The following KPNA4 variants were observed in gnomAD, a reference collection of about 807,000 sequenced individuals.
KPNA4 encodes the protein importin subunit alpha-3.
KPNA4 carries 13 observed loss-of-function variants against 71.3 expected under a neutral mutation model. The observed-to-expected ratio is 0.18, with a 90% CI of 0.12 to 0.29. KPNA4 has a LOEUF of 0.29. Ranked by LOEUF, KPNA4 falls within the 10% of genes least tolerant of loss-of-function variation. The pLI is 1.00. For missense variants in KPNA4, 334 were observed against 603.2 expected, an observed-to-expected ratio of 0.55 and a Z score of 4.67; for synonymous variants, 189 against 195.2, an observed-to-expected ratio of 0.97 and a Z score of 0.26.
At chr3:160,526,874 A>T (rs1024147579) in intron 8 of KPNA4, among the ~76,000 whole-genome samples, 2 of 152,256 alleles carry the variant, frequency 1.3e-5, no homozygotes, top group Non-Finnish European at 1.5e-5. Flanking sequence ...TGAAAGATCA[A>T]GATGCTGTAT....
rs1393815006 is a variant in KPNA4, at chr3:160,500,348, A to T, written c.*1756T>A. 6.6e-6 allele frequency: 1 copy of T among 152,560 alleles called. No individual in the cohort carries two copies. Among genetic ancestry groups the T allele is most frequent in the Non-Finnish European group, 1.5e-5 (1 of 68,004 alleles). The allele number at this position is 152,560 out of a possible 1,614,324, so 9.5% of individuals were successfully genotyped here. A position where few individuals can be genotyped will look rare whatever the true frequency, so the allele number is the denominator to read the frequency against. On this transcript the variant is annotated 3_prime_UTR_variant, in exon 17 of 17. Transcript: ENST00000334256. ...AACAAAGAGTTATGATCACAAAATA[A>T]TTTTTATCCATTCTACAGTGTTTCA...
chr3:160,565,358 C>G lies in KPNA4; in HGVS notation c.-76G>C. ...AACCAACGCGCCGCACCGACACTCC[C>G]AGGAACCGGGCCGCCGCCTGAGCTG... On this transcript the variant is annotated 5_prime_UTR_variant, in exon 1 of 17. Transcript: ENST00000334256. 7.9e-7 allele frequency: 1 copy of G among 1,272,348 alleles called. No homozygotes were observed. The highest frequency in any genetic ancestry group is 1.1e-6 in the Non-Finnish European group (1 of 899,164). 78.8% of individuals were successfully genotyped at this position (1,272,348 alleles called of 1,614,324 possible).
At chr3:160,526,963 A>G (rs1040909564) in intron 8 of KPNA4, among the ~76,000 whole-genome samples, 34 of 152,232 alleles carry the variant, frequency 2.2e-4, no homozygotes, top group African/African-American at 8.0e-4. Context: ...CATTCCTAAT[A>G]GTATAAACCC....
intron 13 of KPNA4, among the ~76,000 whole-genome samples, chr3:160,510,649 T>C (rs1423965594): frequency 3.3e-5 from 5 of 152,102 alleles, no homozygotes; most frequent in Non-Finnish European, 7.4e-5. Context: ...AATCTAAATA[T>C]TTGTGTGTGA....
intron 7 of KPNA4, among the ~76,000 whole-genome samples, chr3:160,529,354 G>A (rs1721523761): frequency 8.1e-6 from 1 of 122,970 alleles, no homozygotes; most frequent in Non-Finnish European, 1.7e-5. Flanking sequence ...AAGTGTGAGA[G>A]GGAATAAAAC....
At chr3:160,549,579 C>T (rs980758873) in intron 1 of KPNA4, among the ~76,000 whole-genome samples, 8 of 152,068 alleles carry the variant, frequency 5.3e-5, no homozygotes, top group African/African-American at 1.4e-4. Flanking sequence ...ATTATTTGCC[C>T]GAATATGCAG....
intron 9 of KPNA4, 36 bp downstream of exon 9, chr3:160,525,902 T>C (rs768071780): frequency 6.5e-7 from 1 of 1,532,034 alleles, no homozygotes; most frequent in Non-Finnish European, 8.8e-7. Flanking sequence ...ATATATATAA[T>C]GGTATCTCTT....
At chr3:160,548,179 C>A (rs182284383) in intron 1 of KPNA4, among the ~76,000 whole-genome samples, 1 of 152,120 alleles carries the variant, frequency 6.6e-6, no homozygotes, top group East Asian at 1.9e-4. Flanking sequence ...ACATCCTCAC[C>A]GGCATGTGGT....
chr3:160,563,161 C>G (rs1331225824), intron 1 of KPNA4, among the ~76,000 whole-genome samples: 2 of 152,086 alleles, frequency 1.3e-5, no homozygotes, highest in Non-Finnish European at 2.9e-5. Flanking sequence ...GTGGTATATC[C>G]ATGAGCTGGA....
intron 1 of KPNA4, among the ~76,000 whole-genome samples, chr3:160,557,413 G>C (rs2108561720): frequency 6.6e-6 from 1 of 152,220 alleles, no homozygotes; most frequent in South Asian, 2.1e-4. Flanking sequence ...TTAAAGAACA[G>C]GACACTGAGA....
intron 5 of KPNA4, among the ~76,000 whole-genome samples, chr3:160,535,272 T>C (rs377013471): frequency 6.6e-6 from 1 of 152,226 alleles, no homozygotes; most frequent in Non-Finnish European, 1.5e-5. Context: ...GTATGCATTA[T>C]GTATATTAAA....
rs11400875 is a variant in KPNA4 at position 160,522,883 on chromosome 3, GA to G, written c.772-974del. Among the ~76,000 whole-genome samples, 174 of 137,348 alleles carry G rather than the reference GA, an allele frequency of 1.3e-3. 2 individuals are homozygous for G. The South Asian group carries it at 0.018, about 14-fold the overall frequency. 90.1% of individuals were successfully genotyped at this position (137,348 alleles called of 152,430 possible). On this transcript the variant is annotated intron_variant, in intron 10 of 16. Coordinates refer to ENST00000334256, the MANE Select transcript of KPNA4 (RefSeq NM_002268.5). The stretch of plus-strand genomic sequence containing the variant: ...GTACTTCACTACAGCTGCTACTTAT[GA>G]AAAAAAAAAAAAAGCCTGTGTAATC...
chr3:160,565,314 G>A lies in KPNA4; in HGVS notation c.-32C>T. 2 of 1,547,118 alleles carry A rather than the reference G, an allele frequency of 1.3e-6. No homozygotes were observed. The highest frequency in any genetic ancestry group is 1.8e-6 in the Non-Finnish European group (2 of 1,139,052). ...GCCGGTGACTCCTTCCCCCGCCCGGGCCCCGCGGGATCCGCCCCAACCAAC... is the reference window on the plus strand; with the variant it reads ...GCCGGTGACTCCTTCCCCCGCCCGGACCCCGCGGGATCCGCCCCAACCAAC... On this transcript the variant is annotated 5_prime_UTR_variant, in exon 1 of 17. Transcript: ENST00000334256.
chr3:160,528,132 GA>G, intron 7 of KPNA4, 93 bp from the exon 8 acceptor site: 1 of 798,650 alleles, frequency 1.3e-6, no homozygotes, highest in South Asian at 1.7e-5. Context: ...AAAAAAAAGG[GA>G]ACCTATAAAA....
In KPNA4 at chr3:160,504,961, A is replaced by G; in HGVS notation, c.1464T>C (p.Asp488=). ...YEIIDQFFSS[D]DIDEDPSLVP... Reference sequence around the variant, plus strand: ...AAACTACAAAATTATTAAATACATCATCTGAAGAGAAGAACTGATCAATGA... The same window carrying G: ...AAACTACAAAATTATTAAATACATCGTCTGAAGAGAAGAACTGATCAATGA... Residue 488 remains aspartate (D), a synonymous_variant, in exon 16 of 17, where the codon GAT becomes GAC. Coordinates refer to ENST00000334256, the MANE Select transcript of KPNA4 (RefSeq NM_002268.5). 1.4e-6 allele frequency: 2 copies of G among 1,439,090 alleles called. No individual in the cohort carries two copies. Among genetic ancestry groups the G allele is most frequent in the Non-Finnish European group, 1.9e-6 (2 of 1,064,310 alleles). The allele number at this position is 1,439,090 out of a possible 1,614,324, so 89.1% of individuals were successfully genotyped here.
chr3:160,513,070 T>A (rs1041819067), intron 13 of KPNA4, among the ~76,000 whole-genome samples: 1 of 152,122 alleles, frequency 6.6e-6, no homozygotes, highest in Non-Finnish European at 1.5e-5. Flanking sequence ...TATCACTACA[T>A]GTAAGACAGA....
chr3:160,545,775 G>C (rs140910171), intron 1 of KPNA4, among the ~76,000 whole-genome samples: 20 of 152,336 alleles, frequency 1.3e-4, no homozygotes, highest in African/African-American at 4.6e-4. Flanking sequence ...TCTTGGACCA[G>C]AGTGGTCGCA....
chr3:160,526,639 T>C (rs1354522490), intron 8 of KPNA4, among the ~76,000 whole-genome samples: 1 of 152,226 alleles, frequency 6.6e-6, no homozygotes, highest in Non-Finnish European at 1.5e-5. Flanking sequence ...GCACCCCATG[T>C]AGTCCTGATT....
intron 7 of KPNA4, among the ~76,000 whole-genome samples, chr3:160,528,352 C>T (rs1272075223): frequency 1.3e-5 from 2 of 151,696 alleles, no homozygotes; most frequent in Non-Finnish European, 2.9e-5. Context: ...AAAAAAAGTA[C>T]ATTATTGAAG....
Sources: allele counts gnomAD v4.1 joint callset (sites outside exome capture counted in the v4.1 genomes callset), GRCh38; gene constraint gnomAD v4.1.1; transcripts MANE v1.5; gene names NCBI Gene and HGNC (gene_info 2026-07-23, HGNC 2026-07-21).